The following NOC3L variants were observed in gnomAD, a reference collection of about 807,000 sequenced individuals.
The protein encoded by NOC3L is NOC3 like DNA replication regulator.
Under a neutral mutation model 102.5 loss-of-function variants are expected in NOC3L, and 85 were observed. That is an observed-to-expected ratio of 0.83 (90% CI 0.70 to 0.99). The LOEUF (loss-of-function observed/expected upper bound fraction) is 0.99, where lower values mean the gene tolerates loss of function less well. Among genes scored for constraint, NOC3L ranks in the 50% least tolerant of loss-of-function variants. The probability of loss-of-function intolerance (pLI) is 0.00; values close to 1 mark genes in which losing one functional copy is unlikely to be tolerated. For synonymous variants in NOC3L, 303 were observed against 309.4 expected, an observed-to-expected ratio of 0.98 and a Z score of 0.22; for missense variants, 878 against 914.9, an observed-to-expected ratio of 0.96 and a Z score of 0.52.
At chr10:94,357,145 A>T in intron 4 of NOC3L, 29 bp downstream of exon 4, 1 of 1,438,866 alleles carries the variant, frequency 6.9e-7, no homozygotes, top group Non-Finnish European at 9.2e-7. Flanking sequence ...GTAAAAGTTC[A>T]ACTAATATTA....
At chr10:94,354,245 T>C (rs1220234495) in intron 6 of NOC3L, among the ~76,000 whole-genome samples, 1 of 152,244 alleles carries the variant, frequency 6.6e-6, no homozygotes, top group Non-Finnish European at 1.5e-5. Flanking sequence ...CATAAACAAA[T>C]ACTTGTTATA....
the NOC3L span, chr10:94,316,556 A>C: frequency 2.8e-5 from 45 of 1,605,808 alleles, no homozygotes; most frequent in South Asian, 4.7e-4. Context: ...GATTCTGACA[A>C]ATGAACAAGA....
intron 16 of NOC3L, 72 bp from the exon 17 acceptor site, chr10:94,339,992 A>T: frequency 7.5e-7 from 1 of 1,338,844 alleles, no homozygotes; most frequent in Non-Finnish European, 1.0e-6. Flanking sequence ...TGAACTTCAG[A>T]TAAACCCAAG....
At chr10:94,337,922 C>T in intron 18 of NOC3L, 48 bp from the exon 19 acceptor site, 1 of 1,348,866 alleles carries the variant, frequency 7.4e-7, no homozygotes, top group Non-Finnish European at 1.0e-6. Flanking sequence ...CAGTCCTTTA[C>T]AAAAAACACT....
chr10:94,361,919 T>A (rs983045778), intron 1 of NOC3L, 47 bp from the exon 2 acceptor site: 39 of 1,347,990 alleles, frequency 2.9e-5, no homozygotes, highest in Non-Finnish European at 2.1e-5. Context: ...ACTTATTTTT[T>A]AAATCAGGTT....
rs150206370 is a variant in NOC3L, at chr10:94,340,512, G to T, written c.1645-16C>A. 2.3e-4 allele frequency: 298 copies of T among 1,295,316 alleles called. 4 individuals carry two copies. In the African/African-American group the frequency reaches 3.0e-3, roughly 13 times the overall value. The allele number at this position is 1,295,316 out of a possible 1,614,324, so 80.2% of individuals were successfully genotyped here. On this transcript the variant is annotated splice_polypyrimidine_tract_variant and intron_variant, in intron 14 of 20. Transcript: ENST00000371361. ...AGCTTAGGTCCTTTAAAAAAAAAAG[G>T]GGGGGGTGAGGGGGATGGAATATTA...
At chr10:94,326,868 T>A in the NOC3L span, among the ~76,000 whole-genome samples, 1 of 152,194 alleles carries the variant, frequency 6.6e-6, no homozygotes, top group Non-Finnish European at 1.5e-5. Flanking sequence ...TGCTTAAAGC[T>A]GGGGAGGCCT....
chr10:94,361,726 A>G lies in NOC3L; in HGVS notation c.156T>C (p.Ala52=), dbSNP rs2054553557. Residue 52 remains alanine (A), a synonymous_variant, in exon 2 of 21, where the codon GCT becomes GCC. Transcript: ENST00000371361. ...GTTTCTTAGACACAGCATCTTTCAC[A>G]GCTTGCCTTAGTTTCCTCTGTTCTT... The part of the protein sequence containing the change: ...YRKEQRKLRQ[A]VKDAVSKKPI... 6.2e-7 allele frequency: 1 copy of G among 1,614,044 alleles called. No homozygotes were observed. Among genetic ancestry groups the G allele is most frequent in the Non-Finnish European group, 8.5e-7 (1 of 1,180,030 alleles).
chr10:94,340,065 G>A, intron 16 of NOC3L, 145 bp from the exon 17 acceptor site: 1 of 770,504 alleles, frequency 1.3e-6, no homozygotes, highest in Non-Finnish European at 2.1e-6. Context: ...ATACTGCTAA[G>A]GAGATACAGC....
chr10:94,356,441 T>C lies in NOC3L; in HGVS notation c.565+94A>G, dbSNP rs575331942. 48 of 786,930 alleles carry C rather than the reference T, an allele frequency of 6.1e-5. No individual in the cohort carries two copies. The African/African-American group carries it at 8.1e-4, about 13-fold the overall frequency. The allele number at this position is 786,930 out of a possible 1,614,324, so 48.7% of individuals were successfully genotyped here. On this transcript the variant is annotated intron_variant, in intron 5 of 20. Coordinates refer to ENST00000371361, the MANE Select transcript of NOC3L (RefSeq NM_022451.11). Reference sequence around the variant, plus strand: ...CCTTGAAATGAGCAGTACTCCAAAATGTACCTTCCAGATTTCATCTAAAAT... The same window carrying C: ...CCTTGAAATGAGCAGTACTCCAAAACGTACCTTCCAGATTTCATCTAAAAT...
chr10:94,338,612 A>C lies in NOC3L; in HGVS notation c.2087T>G (p.Leu696Arg). The change falls in exon 18 of 21, where the codon CTG (leucine) becomes CGG (arginine). Residue 696 changes from leucine to arginine, a missense_variant. By Grantham distance (102) the Leu-to-Arg change is moderately radical. Transcript: ENST00000371361. ...AAAAACCAGGGCCACTCTTACCCGC[A>C]GAGCATGCAGTTCCCACAGAGCAGT... ...QNTALWELHA[L>R]RRHYHPIVQR... 1 of 1,545,434 alleles carries C rather than the reference A, an allele frequency of 6.5e-7. No homozygotes were observed. The highest frequency in any genetic ancestry group is 8.8e-7 in the Non-Finnish European group (1 of 1,141,356).
At chr10:94,343,994 T>G (rs2133992293) in intron 13 of NOC3L, among the ~76,000 whole-genome samples, 1 of 152,298 alleles carries the variant, frequency 6.6e-6, no homozygotes, top group East Asian at 1.9e-4. Context: ...CCATTAGTGT[T>G]GAGTGAATAC....
the NOC3L span, chr10:94,315,320 TGAG>T: frequency 4.5e-6 from 2 of 442,236 alleles, no homozygotes; most frequent in Non-Finnish European, 4.5e-6. Flanking sequence ...GGCAGGGGCC[TGAG>T]GAGAAGGGTG....
At chr10:94,354,824 C>T in intron 6 of NOC3L, 139 bp downstream of exon 6, 1 of 776,530 alleles carries the variant, frequency 1.3e-6, no homozygotes, top group South Asian at 2.1e-5. Context: ...TCTGTCTACT[C>T]TCTTACTCTA....
intron 5 of NOC3L, 40 bp downstream of exon 5, chr10:94,356,495 A>G (rs776553472): frequency 5.4e-6 from 7 of 1,290,214 alleles, no homozygotes; most frequent in Non-Finnish European, 7.8e-6. Flanking sequence ...ATGCAAAAAA[A>G]TTCTCAATTA....
At chr10:94,358,813 G>C (rs572464379) in intron 2 of NOC3L, among the ~76,000 whole-genome samples, 20 of 152,020 alleles carry the variant, frequency 1.3e-4, no homozygotes, top group Non-Finnish European at 2.2e-4. Context: ...CTATCTACCT[G>C]TGTGTTCTGT....
intron 14 of NOC3L, among the ~76,000 whole-genome samples, chr10:94,341,304 T>G (rs1044056237): frequency 6.6e-6 from 1 of 152,028 alleles, no homozygotes; most frequent in Non-Finnish European, 1.5e-5. Flanking sequence ...ATTTGAATGG[T>G]TGTCACATAA....
chr10:94,334,100 T>C lies in NOC3L; in HGVS notation c.*77A>G, dbSNP rs574842448. The C allele has an allele frequency of 2.2e-5, 15 of 697,244 alleles. No homozygotes were observed. The African/African-American group carries it at 2.7e-4, about 13-fold the overall frequency. 43.2% of individuals were successfully genotyped at this position (697,244 alleles called of 1,614,324 possible). On this transcript the variant is annotated 3_prime_UTR_variant, in exon 21 of 21. Coordinates refer to ENST00000371361, the MANE Select transcript of NOC3L (RefSeq NM_022451.11). Reference sequence around the variant, plus strand: ...GCTTTCCTTGTATAAAAAGAAAAGATCCTAAGTTAACAACTCATCTTTATG... The same window carrying C: ...GCTTTCCTTGTATAAAAAGAAAAGACCCTAAGTTAACAACTCATCTTTATG...
chr10:94,316,714 A>T, the NOC3L span: 1 of 1,614,080 alleles, frequency 6.2e-7, no homozygotes, highest in Non-Finnish European at 8.5e-7. Flanking sequence ...GGTTTCCAGA[A>T]GAGGGATACA....
Sources: gnomAD v4.1 joint callset for allele counts (sites outside exome capture counted in the v4.1 genomes callset) on GRCh38, gnomAD v4.1.1 for gene constraint, MANE v1.5 for transcripts, NCBI Gene and HGNC (gene_info 2026-07-23, HGNC 2026-07-21) for gene names.